The following RASGRF1 variants were observed in gnomAD, a reference collection of about 807,000 sequenced individuals.
RASGRF1 encodes ras-specific guanine nucleotide-releasing factor 1.
Under a neutral mutation model 138.7 loss-of-function variants are expected in RASGRF1, and 40 were observed. The ratio of observed to expected loss-of-function variants is 0.29; its 90% CI spans 0.22 to 0.38. The LOEUF (loss-of-function observed/expected upper bound fraction) is 0.38, where lower values mean the gene tolerates loss of function less well. Ranked by LOEUF, RASGRF1 falls within the 10% of genes least tolerant of loss-of-function variation. The pLI is 1.00. For missense variants in RASGRF1, 1,108 were observed against 1,650.4 expected, an observed-to-expected ratio of 0.67 and a Z score of 5.69; for synonymous variants, 614 against 663.2, an observed-to-expected ratio of 0.93 and a Z score of 1.14.
At chr15:79,019,004 G>T (rs1383276461) in intron 11 of RASGRF1, among the ~76,000 whole-genome samples, 1 of 152,150 alleles carries the variant, frequency 6.6e-6, no homozygotes, top group African/African-American at 2.4e-5. Context: ...GGCCCTTATT[G>T]GAAGGGCATG....
intron 2 of RASGRF1, among the ~76,000 whole-genome samples, chr15:79,063,386 A>C (rs1375712461): frequency 6.6e-6 from 1 of 152,224 alleles, no homozygotes; most frequent in Non-Finnish European, 1.5e-5. Flanking sequence ...AGTCTGACCC[A>C]AGGCTCAAGG....
chr15:79,068,271 G>A (rs748182164), intron 1 of RASGRF1, among the ~76,000 whole-genome samples: 1 of 152,022 alleles, frequency 6.6e-6, no homozygotes, highest in Non-Finnish European at 1.5e-5. Context: ...TCTCTTCACT[G>A]TAATGGAGAA....
At chr15:78,994,624 G>T (rs996968800) in intron 20 of RASGRF1, among the ~76,000 whole-genome samples, 8 of 152,178 alleles carry the variant, frequency 5.3e-5, no homozygotes, top group Non-Finnish European at 1.2e-4. Flanking sequence ...CACTGACTTG[G>T]AAAAAAGTGG....
Position 79,090,776 on chromosome 15 carries a change from G to T in RASGRF1, c.-278C>A. ...CTCCTCCGGTGCCGGGCAAACTGAG[G>T]GACTGGCGATCTGCGCGCTGGCGAG... On this transcript the variant is annotated 5_prime_UTR_variant, in exon 1 of 27. Transcript: ENST00000558480. 1 of 473,876 alleles carries T rather than the reference G, an allele frequency of 2.1e-6. No individual in the cohort carries two copies. Among genetic ancestry groups the T allele is most frequent in the Non-Finnish European group, 3.7e-6 (1 of 269,582 alleles). The allele number at this position is 473,876 out of a possible 1,614,324, so 29.4% of individuals were successfully genotyped here.
chr15:78,982,919 G>C lies in RASGRF1; in HGVS notation c.3414+2088C>G, dbSNP rs141588574. On this transcript the variant is annotated intron_variant, in intron 23 of 26. Coordinates refer to ENST00000558480, the MANE Select transcript of RASGRF1 (RefSeq NM_001145648.3). ...TTTCCCCAAAGAGGATGGGGAGAGG[G>C]GTTAAAAGAAGAAAGGGGAAATGAA... Among the ~76,000 whole-genome samples, 385 of 152,194 alleles carry C rather than the reference G, an allele frequency of 2.5e-3. 2 individuals carry two copies. The highest frequency in any genetic ancestry group is 9.0e-3 in the African/African-American group (375 of 41,516).
chr15:79,004,276 C>T lies in RASGRF1; in HGVS notation c.2076-101G>A, dbSNP rs1473178658. On this transcript the variant is annotated intron_variant, in intron 14 of 26. Transcript: ENST00000558480. ...GTGGGGCTCGGAGTGGCAGCAACGG[C>T]TCCATCATTCTTAGGATCCCTGAAA... 13 of 1,377,682 alleles carry T rather than the reference C, an allele frequency of 9.4e-6. No homozygotes were observed. In the East Asian group the frequency reaches 2.8e-4, roughly 30 times the overall value. 85.3% of individuals were successfully genotyped at this position (1,377,682 alleles called of 1,614,324 possible). A position where few individuals can be genotyped will look rare whatever the true frequency, so the allele number is the denominator to read the frequency against.
intron 4 of RASGRF1, among the ~76,000 whole-genome samples, chr15:79,048,880 G>C (rs2057390504): frequency 6.6e-6 from 1 of 152,190 alleles, no homozygotes; most frequent in Non-Finnish European, 1.5e-5. Context: ...TCTTGAGTCT[G>C]GCAAGCTACA....
Position 78,991,765 on chromosome 15 carries a change from T to G in RASGRF1, c.3057A>C (p.Glu1019Asp). The G allele has an allele frequency of 6.2e-7, 1 of 1,614,080 alleles. No individual in the cohort carries two copies. Among genetic ancestry groups the G allele is most frequent in the South Asian group, 1.1e-5 (1 of 91,074 alleles). ...MAEGVKAEPF[E>D]NHSALEIAEQ... ...CCGCGATCTCCAGGGCTGAGTGGTT[T>G]TCAAAGGGCTCAGCCTTCACGCCTT... The change falls in exon 21 of 27, where the codon GAA becomes GAC. Residue 1019 changes from glutamate (E) to aspartate (D), a missense_variant. This residue lies in a region of RASGRF1 where 686 missense variants were observed against 976.7 expected (regional missense o/e 0.70). Coordinates refer to ENST00000558480, the MANE Select transcript of RASGRF1 (RefSeq NM_001145648.3).
At chr15:79,054,630 C>T (rs1187955204) in intron 3 of RASGRF1, among the ~76,000 whole-genome samples, 2 of 152,210 alleles carry the variant, frequency 1.3e-5, no homozygotes, top group African/African-American at 2.4e-5. Context: ...GCAGAAGCCT[C>T]CTTGGCTTGT....
Position 78,998,000 on chromosome 15 carries a change from C to T in RASGRF1, c.2966+96G>A. On this transcript the variant is annotated intron_variant, in intron 19 of 26. Transcript: ENST00000558480. ...GGCTGTCCTTGACAAGGGCGCTCTT[C>T]ACCTCCCGGGCCTCTGACCAGCCCA... 3.7e-6 allele frequency: 4 copies of T among 1,089,840 alleles called. No individual in the cohort carries two copies. The East Asian group carries it at 7.1e-5, about 19-fold the overall frequency. 67.5% of individuals were successfully genotyped at this position (1,089,840 alleles called of 1,614,324 possible).
intron 10 of RASGRF1, among the ~76,000 whole-genome samples, chr15:79,024,158 A>G (rs2057010799): frequency 6.6e-6 from 1 of 151,858 alleles, no homozygotes. Context: ...ACACACATAT[A>G]CACATATACC....
chr15:79,055,024 A>T (rs936394306), intron 3 of RASGRF1, among the ~76,000 whole-genome samples: 1 of 151,856 alleles, frequency 6.6e-6, no homozygotes, highest in Non-Finnish European at 1.5e-5. Context: ...CTGAATATGT[A>T]CTCTGTTATC....
At chr15:79,057,652 G>C (rs1486571442) in intron 3 of RASGRF1, among the ~76,000 whole-genome samples, 1 of 152,164 alleles carries the variant, frequency 6.6e-6, no homozygotes, top group Non-Finnish European at 1.5e-5. Flanking sequence ...GCTTCCTAAG[G>C]TTTAATGTAA....
At chr15:79,056,031 A>G (rs1486701040) in intron 3 of RASGRF1, among the ~76,000 whole-genome samples, 1 of 152,192 alleles carries the variant, frequency 6.6e-6, no homozygotes, top group Non-Finnish European at 1.5e-5. Context: ...TGGGAAAGCC[A>G]TGGGAGCAGA....
chr15:79,005,127 C>T, intron 14 of RASGRF1: 4 of 985,486 alleles, frequency 4.1e-6, no homozygotes, highest in Non-Finnish European at 4.8e-6. Context: ...CCCTGGGAAT[C>T]TGATCATTGA....
Position 79,025,377 on chromosome 15 carries a change from G to C in RASGRF1, c.1479C>G (p.Phe493Leu). 1 of 1,614,044 alleles carries C rather than the reference G, an allele frequency of 6.2e-7. No homozygotes were observed. Among genetic ancestry groups the C allele is most frequent in the Non-Finnish European group, 8.5e-7 (1 of 1,179,942 alleles). Reference protein sequence around the residue: ...SLKKEGERQCFLFSKHLIICT... With the variant: ...SLKKEGERQCLLFSKHLIICT... ...AGATAATCAGATGCTTAGAAAACAG[G>C]AAGCACTGTCGCTCGCCCTCTTTCT... The change falls in exon 10 of 27, where the codon TTC becomes TTG. Residue 493 changes from phenylalanine to leucine, a missense_variant. Coordinates refer to ENST00000558480, the MANE Select transcript of RASGRF1 (RefSeq NM_001145648.3).
chr15:79,085,162 AATGCACGTG>A (rs771198163), intron 1 of RASGRF1, among the ~76,000 whole-genome samples: 42 of 152,316 alleles, frequency 2.8e-4, no homozygotes, highest in South Asian at 8.3e-4. Context: ...CAGTGCTGTA[AATGCACGTG>A]ATGACAGAGG....
At chr15:79,084,481 C>T (rs970492253) in intron 1 of RASGRF1, among the ~76,000 whole-genome samples, 4 of 152,254 alleles carry the variant, frequency 2.6e-5, no homozygotes, top group Non-Finnish European at 5.9e-5. Context: ...CCAGCCTGCA[C>T]GTCCCCTGCG....
chr15:79,065,786 C>T (rs76428556), intron 1 of RASGRF1, among the ~76,000 whole-genome samples: 2,208 of 151,990 alleles, frequency 0.015, 23 homozygotes, highest in Non-Finnish European at 0.019. Context: ...CTCCATCCCT[C>T]GGTGTCCAGG....
Sources: allele counts gnomAD v4.1 joint callset (sites outside exome capture counted in the v4.1 genomes callset), GRCh38; gene constraint gnomAD v4.1.1; regional missense constraint gnomAD v4.1.1; transcripts MANE v1.5; gene names NCBI Gene and HGNC (gene_info 2026-07-23, HGNC 2026-07-21).